The following TCF12 variants were observed in gnomAD, a reference collection of about 807,000 sequenced individuals.
The protein encoded by TCF12 is transcription factor 12, also known as DNA-binding protein HTF4.
In TCF12, 45 loss-of-function variants were observed where a neutral mutation model predicts 86.0. That is an observed-to-expected ratio of 0.52 (90% CI 0.41 to 0.67). The LOEUF (loss-of-function observed/expected upper bound fraction) is 0.67, where lower values mean the gene tolerates loss of function less well. Among genes scored for constraint, TCF12 ranks in the 30% least tolerant of loss-of-function variants. The pLI is 0.00. For missense variants in TCF12, 881 were observed against 859.9 expected (o/e 1.02, Z -0.31); for synonymous variants, 330 against 299.6 (o/e 1.10, Z -1.05).
At chr15:56,985,092 A>G (rs914360139) in intron 3 of TCF12, among the ~76,000 whole-genome samples, 37 of 152,174 alleles carry the variant, frequency 2.4e-4, no homozygotes, top group Admixed American at 4.6e-4. Context: ...AATGTTCAGT[A>G]TTTCTTTGAG....
intron 8 of TCF12, among the ~76,000 whole-genome samples, chr15:57,207,946 T>C (rs113586866): frequency 0.041 from 6,265 of 150,970 alleles, 379 homozygotes; most frequent in Admixed American, 0.17. Context: ...TCAACAAATA[T>C]ATACTAAGTC....
At chr15:57,220,119 A>C (rs1470505426) in intron 8 of TCF12, among the ~76,000 whole-genome samples, 1 of 152,216 alleles carries the variant, frequency 6.6e-6, no homozygotes, top group African/African-American at 2.4e-5. Flanking sequence ...TTTTTAAGAT[A>C]GTGTAGAAAA....
intron 3 of TCF12, among the ~76,000 whole-genome samples, chr15:57,058,331 A>G (rs1277403318): frequency 3.9e-5 from 6 of 152,234 alleles, no homozygotes; most frequent in Admixed American, 3.3e-4. Flanking sequence ...AGGGTGATAT[A>G]GCTAGTAACA....
chr15:57,255,107 T>G (rs1340684621), intron 16 of TCF12, among the ~76,000 whole-genome samples: 2 of 152,204 alleles, frequency 1.3e-5, no homozygotes, highest in East Asian at 3.8e-4. Context: ...CCTTACCTCT[T>G]AATGATTTTT....
chr15:57,231,208 A>C lies in TCF12; in HGVS notation c.636A>C (p.Pro212=). ...TCAACCGTGAATCTCCTAGTTATCC[A>C]TCTCCTAAGCCACCAACCAGTATGT... ...DDFNRESPSY[P]SPKPPTSMFA... is the part of the protein sequence containing the mutation. Residue 212 remains proline (P), a synonymous_variant, in exon 9 of 21, where the codon CCA becomes CCC. Coordinates refer to ENST00000333725, the MANE Select transcript of TCF12 (RefSeq NM_207037.2). The C allele has an allele frequency of 6.2e-7, 1 of 1,613,256 alleles. No homozygotes were observed. Among genetic ancestry groups the C allele is most frequent in the Admixed American group, 1.7e-5 (1 of 60,000 alleles).
chr15:57,034,071 G>C (rs1314018061), intron 3 of TCF12, among the ~76,000 whole-genome samples: 1 of 152,066 alleles, frequency 6.6e-6, no homozygotes, highest in Admixed American at 6.5e-5. Flanking sequence ...TCACCACATT[G>C]GTTTTTATAG....
chr15:56,994,665 A>G (rs1390813637), intron 3 of TCF12, among the ~76,000 whole-genome samples: 2 of 152,142 alleles, frequency 1.3e-5, no homozygotes, highest in Admixed American at 6.5e-5. Flanking sequence ...TAAAGAAGAA[A>G]AAACAATTTG....
chr15:56,966,580 C>G (rs1380729169), intron 3 of TCF12, among the ~76,000 whole-genome samples: 7 of 152,188 alleles, frequency 4.6e-5, no homozygotes, highest in Admixed American at 1.3e-4. Context: ...CTGTTAGTCT[C>G]TGGGTATAGT....
chr15:56,941,373 A>ATTT (rs34543266), intron 3 of TCF12, among the ~76,000 whole-genome samples: 2 of 143,144 alleles, frequency 1.4e-5, no homozygotes, highest in Non-Finnish European at 3.0e-5. Context: ...TCTCAAAAAA[A>ATTT]TTTTTTTTTT....
chr15:57,108,191 C>T (rs1383248523), intron 5 of TCF12, among the ~76,000 whole-genome samples: 1 of 152,106 alleles, frequency 6.6e-6, no homozygotes, highest in African/African-American at 2.4e-5. Flanking sequence ...TTACATAAAA[C>T]ATCTTAGTAA....
intron 5 of TCF12, among the ~76,000 whole-genome samples, chr15:57,120,436 T>A (rs144311338): frequency 1.3e-5 from 2 of 152,310 alleles, no homozygotes; most frequent in African/African-American, 4.8e-5. Flanking sequence ...GCTCAATAAT[T>A]GTTTGTTGAA....
intron 6 of TCF12, among the ~76,000 whole-genome samples, chr15:57,178,184 G>A (rs1486501667): frequency 3.9e-5 from 6 of 152,172 alleles, no homozygotes; most frequent in African/African-American, 1.4e-4. Flanking sequence ...GGTAGGAGAT[G>A]GCAGAACAAA....
chr15:56,949,967 A>G (rs1408422684), intron 3 of TCF12, among the ~76,000 whole-genome samples: 4 of 152,220 alleles, frequency 2.6e-5, no homozygotes, highest in Non-Finnish European at 5.9e-5. Context: ...TAGTAAGTAC[A>G]GTAGCCATTA....
chr15:57,149,000 A>C (rs1356311374), intron 5 of TCF12, among the ~76,000 whole-genome samples: 1 of 152,204 alleles, frequency 6.6e-6, no homozygotes, highest in Non-Finnish European at 1.5e-5. Context: ...AGGATATACA[A>C]ATCCCTCGGA....
chr15:57,238,876 A>G (rs1027384620), intron 12 of TCF12, among the ~76,000 whole-genome samples: 8 of 152,228 alleles, frequency 5.3e-5, no homozygotes, highest in African/African-American at 1.9e-4. Context: ...AGAGAAGTTC[A>G]GACTATTTTC....
At chr15:57,023,420 T>G (rs1183332806) in intron 3 of TCF12, among the ~76,000 whole-genome samples, 16 of 152,236 alleles carry the variant, frequency 1.1e-4, no homozygotes, top group African/African-American at 3.6e-4. Context: ...CCATTCTGCT[T>G]GAAAAATACA....
chr15:56,962,243 T>G (rs2061795910), intron 3 of TCF12, among the ~76,000 whole-genome samples: 1 of 152,246 alleles, frequency 6.6e-6, no homozygotes, highest in South Asian at 2.1e-4. Flanking sequence ...GTGATTTCTC[T>G]TTACTACTTA....
chr15:57,220,040 C>T (rs1185399585), intron 8 of TCF12, among the ~76,000 whole-genome samples: 1 of 152,034 alleles, frequency 6.6e-6, no homozygotes, highest in African/African-American at 2.4e-5. Flanking sequence ...TTGTAGATTT[C>T]TTTAGAAGTA....
chr15:57,009,098 A>G (rs1029357192), intron 3 of TCF12, among the ~76,000 whole-genome samples: 11 of 152,130 alleles, frequency 7.2e-5, no homozygotes, highest in Admixed American at 6.6e-5. Context: ...AACTATGAAA[A>G]TTTGGTCCTG....
Sources: allele counts gnomAD v4.1 joint callset (sites outside exome capture counted in the v4.1 genomes callset), GRCh38; gene constraint gnomAD v4.1.1; transcripts MANE v1.5; gene names NCBI Gene and HGNC (gene_info 2026-07-23, HGNC 2026-07-21).